The following PTPRQ variants were observed in gnomAD, a reference collection of about 807,000 sequenced individuals.
The protein encoded by PTPRQ is protein tyrosine phosphatase receptor type Q, also known as phosphatidylinositol phosphatase PTPRQ.
A neutral mutation model predicts 246.0 loss-of-function variants in PTPRQ; 199 were observed. The ratio of observed to expected loss-of-function variants is 0.81; its 90% CI spans 0.72 to 0.91. The LOEUF (loss-of-function observed/expected upper bound fraction) is 0.91, where lower values mean the gene tolerates loss of function less well. PTPRQ is among the 40% of genes least tolerant of loss of function. The pLI is 0.00. For missense variants in PTPRQ, 2,624 were observed against 2,528.4 expected (o/e 1.04, Z -0.81); for synonymous variants, 869 against 853.2 (o/e 1.02, Z -0.32).
At chr12:80,549,944 G>A (rs1896423245) in intron 25 of PTPRQ, among the ~76,000 whole-genome samples, 2 of 151,634 alleles carry the variant, frequency 1.3e-5, no homozygotes, top group Admixed American at 1.3e-4. Flanking sequence ...TTGAAGGGAG[G>A]AAAAAAAGAG....
chr12:80,584,801 AGATGATCT>A (rs1349681718), intron 25 of PTPRQ, among the ~76,000 whole-genome samples: 1 of 152,164 alleles, frequency 6.6e-6, no homozygotes, highest in Non-Finnish European at 1.5e-5. Context: ...TCTTATGTTC[AGATGATCT>A]GAGTTCAAAT....
intron 3 of PTPRQ, among the ~76,000 whole-genome samples, chr12:80,456,593 A>T (rs921733525): frequency 1.3e-5 from 2 of 152,094 alleles, no homozygotes; most frequent in African/African-American, 2.4e-5. Flanking sequence ...ATCTATTTTT[A>T]TGGAGCTTGA....
intron 25 of PTPRQ, 88 bp from the exon 26 acceptor site, chr12:80,588,041 C>A: frequency 2.2e-6 from 3 of 1,340,006 alleles, no homozygotes; most frequent in Non-Finnish European, 3.0e-6. Flanking sequence ...TCTCTACTAG[C>A]TCCTCCATAA....
chr12:80,562,794 A>C (rs927566476), intron 25 of PTPRQ, among the ~76,000 whole-genome samples: 1 of 152,176 alleles, frequency 6.6e-6, no homozygotes, highest in Admixed American at 6.5e-5. Flanking sequence ...AATGAAATTG[A>C]AAACAGAAAA....
intron 43 of PTPRQ, among the ~76,000 whole-genome samples, chr12:80,673,746 G>A (rs1240747300): frequency 6.6e-6 from 1 of 152,006 alleles, no homozygotes; most frequent in Admixed American, 6.6e-5. Flanking sequence ...TTGCATACCA[G>A]TACTAATAAT....
At chr12:80,487,472 C>T (rs955439575) in intron 9 of PTPRQ, among the ~76,000 whole-genome samples, 1 of 152,102 alleles carries the variant, frequency 6.6e-6, no homozygotes, top group African/African-American at 2.4e-5. Context: ...CTGGACATAA[C>T]ACAAATCTCT....
At position 80,613,585 on chromosome 12, in the gene PTPRQ, A is replaced by G; in HGVS notation, c.4919-7A>G. On this transcript the variant is annotated splice_region_variant and splice_polypyrimidine_tract_variant and intron_variant, in intron 28 of 44. Coordinates refer to ENST00000644991, the MANE Select transcript of PTPRQ (RefSeq NM_001145026.2). ...TTAAAAATTAATTGTTAAATATTTTATTTTAGCCCCAAAGGACCCACCTAA... is the reference window on the plus strand; with the variant it reads ...TTAAAAATTAATTGTTAAATATTTTGTTTTAGCCCCAAAGGACCCACCTAA... The G allele has an allele frequency of 6.6e-7, 1 of 1,504,884 alleles. No homozygotes were observed. The highest frequency in any genetic ancestry group is 8.9e-7 in the Non-Finnish European group (1 of 1,126,760). The allele number at this position is 1,504,884 out of a possible 1,614,324, so 93.2% of individuals were successfully genotyped here.
intron 8 of PTPRQ, among the ~76,000 whole-genome samples, chr12:80,475,744 T>C (rs982956075): frequency 6.6e-6 from 1 of 152,070 alleles, no homozygotes; most frequent in African/African-American, 2.4e-5. Context: ...AATCTTTACC[T>C]GGATTGTAAT....
intron 17 of PTPRQ, among the ~76,000 whole-genome samples, chr12:80,532,480 C>T (rs1171339362): frequency 1.3e-5 from 2 of 152,050 alleles, no homozygotes; most frequent in Non-Finnish European, 2.9e-5. Flanking sequence ...CTTGGTCTCC[C>T]GAAGTGCCGG....
At chr12:80,651,859 T>C (rs1326086998) in intron 37 of PTPRQ, among the ~76,000 whole-genome samples, 1 of 152,022 alleles carries the variant, frequency 6.6e-6, no homozygotes, top group Non-Finnish European at 1.5e-5. Flanking sequence ...ATTCAGATCT[T>C]ACACCATTCC....
intron 43 of PTPRQ, 34 bp from the exon 44 acceptor site, chr12:80,678,568 A>T (rs185195457): frequency 2.9e-5 from 44 of 1,520,036 alleles, no homozygotes; most frequent in Non-Finnish European, 3.7e-5. Context: ...CTTCATCAAT[A>T]TATTTGTTTA....
intron 25 of PTPRQ, among the ~76,000 whole-genome samples, chr12:80,567,986 T>C (rs1439590597): frequency 6.6e-6 from 1 of 152,206 alleles, no homozygotes; most frequent in Non-Finnish European, 1.5e-5. Context: ...ATTTTTCTGA[T>C]GATTCATTAT....
In PTPRQ at chr12:80,534,015, G is replaced by T; in HGVS notation, c.2679G>T (p.Trp893Cys). 6.7e-7 allele frequency: 1 copy of T among 1,484,800 alleles called. No homozygotes were observed. Among genetic ancestry groups the T allele is most frequent in the Non-Finnish European group, 8.9e-7 (1 of 1,117,832 alleles). The allele number at this position is 1,484,800 out of a possible 1,614,324, so 92.0% of individuals were successfully genotyped here. Residue 893 changes from tryptophan to cysteine, a missense_variant and splice_region_variant, in exon 18 of 45, where the codon TGG (tryptophan) becomes TGT (cysteine). Physicochemically the swap from Trp to Cys is radical, Grantham distance 215. Transcript: ENST00000644991. ...GIILYYTVYV[W>C]NRSSLKTINV... ...ACAGATAATATTCTTTTTATCTCAG[G>T]AATAGATCATCATTAAAAACTATTA...
At chr12:80,656,849 T>C (rs567303459) in intron 38 of PTPRQ, among the ~76,000 whole-genome samples, 3 of 113,724 alleles carry the variant, frequency 2.6e-5, no homozygotes, top group African/African-American at 9.5e-5. Flanking sequence ...AGATAAACAA[T>C]AAAAGATATA....
intron 36 of PTPRQ, among the ~76,000 whole-genome samples, chr12:80,649,323 A>T (rs1361392071): frequency 6.6e-6 from 1 of 152,120 alleles, no homozygotes; most frequent in Non-Finnish European, 1.5e-5. Flanking sequence ...TTACTTGAAA[A>T]ATTTTCTTCA....
chr12:80,507,845 G>C (rs1336461048), intron 16 of PTPRQ, among the ~76,000 whole-genome samples: 1 of 151,924 alleles, frequency 6.6e-6, no homozygotes, highest in Admixed American at 6.6e-5. Context: ...TGAGTCAATG[G>C]TTAAAAACTA....
intron 17 of PTPRQ, among the ~76,000 whole-genome samples, chr12:80,525,137 G>C (rs1895642483): frequency 6.6e-6 from 1 of 152,098 alleles, no homozygotes; most frequent in Non-Finnish European, 1.5e-5. Context: ...TTGGATTACT[G>C]GTTAGTACAG....
chr12:80,546,477 A>G (rs1204847440), intron 23 of PTPRQ, 79 bp from the exon 24 acceptor site: 6 of 1,331,886 alleles, frequency 4.5e-6, no homozygotes, highest in Non-Finnish European at 6.2e-6. Context: ...TATAAAAGGA[A>G]TAACTTCAAT....
intron 19 of PTPRQ, among the ~76,000 whole-genome samples, chr12:80,538,048 G>T (rs983615647): frequency 1.3e-5 from 2 of 152,158 alleles, no homozygotes; most frequent in African/African-American, 4.8e-5. Context: ...GGTGGAGGTT[G>T]CAGTGAGCCG....
Sources: gnomAD v4.1 joint callset for allele counts (sites outside exome capture counted in the v4.1 genomes callset) on GRCh38, gnomAD v4.1.1 for gene constraint, MANE v1.5 for transcripts, NCBI Gene and HGNC (gene_info 2026-07-23, HGNC 2026-07-21) for gene names.